Variants in ZFAT observed in about 807,000 individuals in gnomAD.
The protein encoded by ZFAT is zinc finger protein ZFAT.
A neutral mutation model predicts 117.7 loss-of-function variants in ZFAT; 64 were observed. The observed-to-expected ratio is 0.54, with a 90% CI of 0.44 to 0.67. The LOEUF is 0.67. Ranked by LOEUF, ZFAT falls within the 30% of genes least tolerant of loss-of-function variation. The pLI is 0.00. For missense variants in ZFAT, 1,433 were observed against 1,584.5 expected (o/e 0.90, Z 1.62); for synonymous variants, 679 against 615.0 (o/e 1.10, Z -1.54).
At chr8:134,756,411 T>C in the ZFAT span, among the ~76,000 whole-genome samples, 2 of 152,316 alleles carry the variant, frequency 1.3e-5, no homozygotes, top group Admixed American at 1.3e-4. Flanking sequence ...TTGAACACAG[T>C]CACGGAGTGA....
chr8:134,499,332 A>T (rs1818762896), intron 15 of ZFAT, among the ~76,000 whole-genome samples: 1 of 142,964 alleles, frequency 7.0e-6, no homozygotes, highest in African/African-American at 2.7e-5. Context: ...GTCGGGGTGG[A>T]GCTGGGATGC....
intron 2 of ZFAT, among the ~76,000 whole-genome samples, chr8:134,655,793 A>T (rs982786075): frequency 6.6e-6 from 1 of 152,226 alleles, no homozygotes; most frequent in Non-Finnish European, 1.5e-5. Context: ...CATGGCTTCG[A>T]TCTGCCATAT....
intron 13 of ZFAT, among the ~76,000 whole-genome samples, chr8:134,513,248 A>G (rs1249831139): frequency 2.8e-5 from 4 of 142,098 alleles, no homozygotes; most frequent in African/African-American, 8.1e-5. Context: ...CCCAGGCTGG[A>G]GCGCGGTGGC....
chr8:134,528,013 G>A (rs1414015230), intron 12 of ZFAT, among the ~76,000 whole-genome samples: 2 of 152,258 alleles, frequency 1.3e-5, no homozygotes, highest in Non-Finnish European at 2.9e-5. Flanking sequence ...GTATCCATGT[G>A]TGTGACTTTT....
At chr8:134,514,482 A>G (rs561732503) in intron 13 of ZFAT, among the ~76,000 whole-genome samples, 1 of 152,320 alleles carries the variant, frequency 6.6e-6, no homozygotes, top group African/African-American at 2.4e-5. Flanking sequence ...CGCAATAATC[A>G]TAGCAGCTGC....
the ZFAT span, chr8:134,793,627 C>G: frequency 6.6e-6 from 1 of 152,324 alleles, no homozygotes; most frequent in Non-Finnish European, 1.5e-5. Flanking sequence ...GCCACTGATC[C>G]GACAGGAGGC....
intron 3 of ZFAT, among the ~76,000 whole-genome samples, chr8:134,613,826 G>A (rs951200740): frequency 2.0e-5 from 3 of 152,160 alleles, no homozygotes; most frequent in African/African-American, 7.2e-5. Context: ...CAGAACTGAG[G>A]CATCCACCCA....
intron 1 of ZFAT, among the ~76,000 whole-genome samples, chr8:134,705,573 A>T (rs1329422141): frequency 6.6e-6 from 1 of 151,766 alleles, no homozygotes; most frequent in Non-Finnish European, 1.5e-5. Context: ...TCTGTTGCCC[A>T]GGCTAGAGTT....
chr8:134,741,260 A>G, the ZFAT span, among the ~76,000 whole-genome samples: 2 of 151,712 alleles, frequency 1.3e-5, no homozygotes, highest in East Asian at 3.9e-4. Context: ...TTAACTTCAT[A>G]TTGGCTCACG....
the ZFAT span, among the ~76,000 whole-genome samples, chr8:134,728,351 A>G: frequency 6.6e-6 from 1 of 152,026 alleles, no homozygotes; most frequent in Non-Finnish European, 1.5e-5. Flanking sequence ...ACGCAAGCAG[A>G]TATAGAAACA....
intron 5 of ZFAT, 135 bp downstream of exon 5, chr8:134,608,594 C>T: frequency 9.2e-7 from 1 of 1,088,318 alleles, no homozygotes; most frequent in South Asian, 1.6e-5. Flanking sequence ...ACTGCTGAAT[C>T]AAGGAGTCAG....
At chr8:134,709,154 C>T (rs1813894302) in intron 1 of ZFAT, among the ~76,000 whole-genome samples, 1 of 152,084 alleles carries the variant, frequency 6.6e-6, no homozygotes, top group Non-Finnish European at 1.5e-5. Flanking sequence ...TGTGGTGGTG[C>T]ACCCCTGTAG....
chr8:134,534,453 T>A (rs956309701), intron 11 of ZFAT, among the ~76,000 whole-genome samples: 7 of 152,196 alleles, frequency 4.6e-5, no homozygotes, highest in African/African-American at 1.7e-4. Flanking sequence ...AGAGAAAATG[T>A]CCTCTCATCT....
At chr8:134,758,539 C>T in the ZFAT span, among the ~76,000 whole-genome samples, 10 of 152,200 alleles carry the variant, frequency 6.6e-5, no homozygotes. Context: ...CTTGTTGTCC[C>T]TAGGCTTGTT....
chr8:134,748,147 C>A, the ZFAT span, among the ~76,000 whole-genome samples: 2 of 152,278 alleles, frequency 1.3e-5, no homozygotes, highest in Admixed American at 1.3e-4. Flanking sequence ...AAGACCCAAG[C>A]AATCATCCCC....
intron 2 of ZFAT, among the ~76,000 whole-genome samples, chr8:134,645,690 GT>G (rs1278809344): frequency 6.6e-6 from 1 of 152,176 alleles, no homozygotes; most frequent in Admixed American, 6.5e-5. Context: ...TGAACATGCT[GT>G]TTTAACTCCT....
At chr8:134,742,176 T>A in the ZFAT span, among the ~76,000 whole-genome samples, 3 of 151,552 alleles carry the variant, frequency 2.0e-5, no homozygotes, top group South Asian at 6.3e-4. Flanking sequence ...TTTTTTTTTT[T>A]AATTTTACTT....
At chr8:134,572,272 TG>T (rs1824969948) in intron 10 of ZFAT, among the ~76,000 whole-genome samples, 1 of 152,236 alleles carries the variant, frequency 6.6e-6, no homozygotes, top group Non-Finnish European at 1.5e-5. Flanking sequence ...ATCATTTATT[TG>T]TTAGGTGATA....
the ZFAT span, among the ~76,000 whole-genome samples, chr8:134,818,640 T>G: frequency 1.3e-5 from 2 of 152,236 alleles, no homozygotes; most frequent in African/African-American, 4.8e-5. Flanking sequence ...CAAAGACATG[T>G]ACATACATAT....
Sources: allele counts gnomAD v4.1 joint callset (sites outside exome capture counted in the v4.1 genomes callset), GRCh38; gene constraint gnomAD v4.1.1; transcripts MANE v1.5; gene names NCBI Gene and HGNC (gene_info 2026-07-23, HGNC 2026-07-21).